CHM: variants seen among roughly 807,000 people sequenced by gnomAD.
The protein encoded by CHM is CHM Rab escort protein, also known as rab proteins geranylgeranyltransferase component A 1.
A neutral mutation model predicts 49.0 loss-of-function variants in CHM; 10 were observed. The ratio of observed to expected loss-of-function variants is 0.20; its 90% CI spans 0.13 to 0.35. The LOEUF is 0.35. Among genes scored for constraint, CHM ranks in the 10% least tolerant of loss-of-function variants. CHM has a pLI of 1.00. For synonymous variants in CHM, 184 were observed against 167.5 expected (o/e 1.10, Z -0.76); for missense variants, 455 against 478.4 (o/e 0.95, Z 0.46).
chrX:85,952,089 T>C (rs1929780527), intron 8 of CHM, among the ~76,000 whole-genome samples: 3 of 111,948 alleles, frequency 2.7e-5, no homozygotes, highest in South Asian at 7.4e-4. Context: ...CTTGTCACAA[T>C]GGGCTAAAGT....
chrX:86,019,130 T>A (rs1024347532), intron 2 of CHM, among the ~76,000 whole-genome samples: 3 of 111,904 alleles, frequency 2.7e-5, no homozygotes, highest in Non-Finnish European at 3.8e-5. Context: ...TTGAACTTTT[T>A]TACTTTGTGT....
intron 4 of CHM, among the ~76,000 whole-genome samples, chrX:85,973,270 G>A (rs1293992524): frequency 1.2e-5 from 1 of 80,469 alleles, no homozygotes; most frequent in Non-Finnish European, 2.2e-5. Context: ...CTGCACTCCA[G>A]TGTGGTGACA....
chrX:85,946,713 C>T (rs10442387), intron 8 of CHM, among the ~76,000 whole-genome samples: 19,108 of 110,967 alleles, frequency 0.17, 1,549 homozygotes, highest in Non-Finnish European at 0.25. Flanking sequence ...AATGTGGGGT[C>T]GGAGGCCCCA....
rs138581999 is a variant in CHM, at chrX:85,909,888, A to G, written c.1244+1373T>C. On this transcript the variant is annotated intron_variant, in intron 9 of 14. Coordinates refer to ENST00000357749, the MANE Select transcript of CHM (RefSeq NM_000390.4). ...TGTCATGGGAACATACTCTTGTAGC[A>G]AAATGAATGCACAAAGAAAAATGAT... Among the ~76,000 whole-genome samples the G allele has an allele frequency of 7.7e-3, 864 of 112,045 alleles. 6 individuals carry two copies. Among genetic ancestry groups the G allele is most frequent in the African/African-American group, 0.026 (790 of 30,930 alleles).
intron 1 of CHM, among the ~76,000 whole-genome samples, chrX:86,042,765 G>A (rs749239873): frequency 7.2e-5 from 8 of 110,524 alleles, no homozygotes; most frequent in Non-Finnish European, 1.3e-4. Context: ...TAAGGCTGCA[G>A]TGGGCCATGA....
At chrX:86,002,916 C>T (rs1029481959) in intron 2 of CHM, among the ~76,000 whole-genome samples, 2 of 112,211 alleles carry the variant, frequency 1.8e-5, no homozygotes, top group African/African-American at 6.5e-5. Flanking sequence ...GCTCTGAGAA[C>T]GAACAGACTG....
chrX:85,982,579 T>A (rs937122783), intron 2 of CHM, among the ~76,000 whole-genome samples: 1 of 111,023 alleles, frequency 9.0e-6, no homozygotes, highest in East Asian at 2.8e-4. Flanking sequence ...AAGTGGGGAT[T>A]TTTTGCAACC....
At chrX:86,028,720 T>C (rs1933935186) in intron 1 of CHM, among the ~76,000 whole-genome samples, 1 of 111,974 alleles carries the variant, frequency 8.9e-6, no homozygotes, top group Admixed American at 9.5e-5. Flanking sequence ...ACCATGTTGA[T>C]AGAAGCTAGT....
At chrX:85,880,418 G>A (rs756167134) in intron 12 of CHM, among the ~76,000 whole-genome samples, 1 of 111,430 alleles carries the variant, frequency 9.0e-6, no homozygotes, top group South Asian at 3.8e-4. Flanking sequence ...ACAAAGGTCA[G>A]CAATCCATAG....
At chrX:86,039,136 T>C (rs1405905758) in intron 1 of CHM, among the ~76,000 whole-genome samples, 1 of 112,264 alleles carries the variant, frequency 8.9e-6, no homozygotes, top group Non-Finnish European at 1.9e-5. Context: ...GCTTGGCATA[T>C]AACAAATGTT....
intron 4 of CHM, among the ~76,000 whole-genome samples, chrX:85,975,542 A>G (rs762356499): frequency 8.9e-6 from 1 of 112,360 alleles, no homozygotes; most frequent in African/African-American, 3.2e-5. Flanking sequence ...GAGTAAAAAA[A>G]AGCCCATGCC....
intron 4 of CHM, among the ~76,000 whole-genome samples, chrX:85,972,557 C>A (rs2147694194): frequency 8.8e-6 from 1 of 113,171 alleles, no homozygotes; most frequent in East Asian, 2.8e-4. Flanking sequence ...GGTGGGCTGG[C>A]ACTGCTGGGG....
chrX:86,004,876 T>C (rs1038038427), intron 2 of CHM, among the ~76,000 whole-genome samples: 3 of 111,552 alleles, frequency 2.7e-5, no homozygotes, highest in African/African-American at 9.8e-5. Flanking sequence ...TTAACAAGGA[T>C]ATCCAGGAAT....
At chrX:85,887,447 C>G (rs1465152085) in intron 12 of CHM, among the ~76,000 whole-genome samples, 2 of 111,728 alleles carry the variant, frequency 1.8e-5, no homozygotes. Flanking sequence ...AAACCTCTTT[C>G]TTTGGTAAAT....
At chrX:85,885,207 T>C (rs1925011660) in intron 12 of CHM, among the ~76,000 whole-genome samples, 1 of 110,273 alleles carries the variant, frequency 9.1e-6, no homozygotes, top group South Asian at 3.8e-4. Flanking sequence ...ACATAAAACC[T>C]TCACTAGTTA....
chrX:85,897,344 T>C (rs1013639877), intron 11 of CHM, among the ~76,000 whole-genome samples: 3 of 97,994 alleles, frequency 3.1e-5, no homozygotes, highest in African/African-American at 1.2e-4. Context: ...TGTGTGTGTG[T>C]CTGTGTCTGT....
chrX:86,039,390 A>G (rs1217450861), intron 1 of CHM, among the ~76,000 whole-genome samples: 1 of 110,663 alleles, frequency 9.0e-6, no homozygotes, highest in African/African-American at 3.3e-5. Flanking sequence ...AGACTAGTTT[A>G]ACAAATGTGC....
intron 2 of CHM, chrX:86,019,510 A>G (rs1409553593): frequency 8.9e-6 from 1 of 112,198 alleles, no homozygotes; most frequent in Non-Finnish European, 1.9e-5. Flanking sequence ...GGTTATTTGA[A>G]AAGTCTAATA....
At chrX:85,911,842 T>A (rs1417890047) in intron 8 of CHM, among the ~76,000 whole-genome samples, 1 of 111,362 alleles carries the variant, frequency 9.0e-6, no homozygotes, top group Non-Finnish European at 1.9e-5. Flanking sequence ...CATGAGTAAA[T>A]GCAGCAGAAG....
Sources: allele counts gnomAD v4.1 joint callset (sites outside exome capture counted in the v4.1 genomes callset), GRCh38; gene constraint gnomAD v4.1.1; transcripts MANE v1.5; gene names NCBI Gene and HGNC (gene_info 2026-07-23, HGNC 2026-07-21).